The following SH3KBP1 variants were observed in gnomAD, a reference collection of about 807,000 sequenced individuals.
SH3KBP1 encodes the protein SH3 domain containing kinase binding protein 1, also known as SH3 domain-containing kinase-binding protein 1.
In SH3KBP1, 8 loss-of-function variants were observed where a neutral mutation model predicts 50.1. The observed-to-expected ratio is 0.16, with a 90% CI of 0.09 to 0.29. SH3KBP1 has a LOEUF of 0.29. Among genes scored for constraint, SH3KBP1 ranks in the 10% least tolerant of loss-of-function variants. SH3KBP1 has a pLI of 1.00. For synonymous variants in SH3KBP1, 227 were observed against 218.6 expected (o/e 1.04, Z -0.34); for missense variants, 377 against 535.2 (o/e 0.70, Z 2.92).
intron 6 of SH3KBP1, among the ~76,000 whole-genome samples, chrX:19,679,707 CA>C (rs1470488984): frequency 9.0e-6 from 1 of 111,534 alleles, no homozygotes; most frequent in Non-Finnish European, 1.9e-5. Flanking sequence ...CCAGTTTCAA[CA>C]AATACCAACT....
At chrX:19,766,287 G>GCTTGTTGGTCAT (rs2065601681) in intron 2 of SH3KBP1, among the ~76,000 whole-genome samples, 1 of 109,616 alleles carries the variant, frequency 9.1e-6, no homozygotes, top group African/African-American at 3.3e-5. Flanking sequence ...CTTTTCATCT[G>GCTTGTTGGTCAT]CTTGTTGGTC....
chrX:19,654,762 T>G lies in SH3KBP1; in HGVS notation c.727-9287A>C, dbSNP rs538846072. 3.6e-5 allele frequency among the ~76,000 whole-genome samples: 4 copies of G among 112,090 alleles called. No individual in the cohort carries two copies. In the South Asian group the frequency reaches 1.1e-3, roughly 31 times the overall value. On this transcript the variant is annotated intron_variant, in intron 6 of 17. Coordinates refer to ENST00000397821, the MANE Select transcript of SH3KBP1 (RefSeq NM_031892.3). ...TCCTTTTAGATATATTTTGAAAGTTTAAGATGGTGGGTAAGGGAGAGAGAA... is the reference window on the plus strand; with the variant it reads ...TCCTTTTAGATATATTTTGAAAGTTGAAGATGGTGGGTAAGGGAGAGAGAA...
intron 12 of SH3KBP1, among the ~76,000 whole-genome samples, chrX:19,578,121 C>A (rs1251955319): frequency 8.9e-6 from 1 of 112,029 alleles, no homozygotes; most frequent in Admixed American, 9.5e-5. Context: ...AGAGAAACCA[C>A]TCGAATTATC....
intron 2 of SH3KBP1, among the ~76,000 whole-genome samples, chrX:19,809,549 C>A (rs192734327): frequency 9.0e-6 from 1 of 111,170 alleles, no homozygotes; most frequent in East Asian, 2.8e-4. Context: ...AAAAAAAAGT[C>A]AGTATCAAGG....
chrX:19,784,776 T>C (rs2147136042), intron 2 of SH3KBP1, among the ~76,000 whole-genome samples: 1 of 110,198 alleles, frequency 9.1e-6, no homozygotes, highest in East Asian at 2.8e-4. Context: ...GACTAATTTT[T>C]ATATTTTTAG....
At chrX:19,655,010 C>G (rs780660382) in intron 6 of SH3KBP1, among the ~76,000 whole-genome samples, 10 of 111,990 alleles carry the variant, frequency 8.9e-5, no homozygotes, top group Non-Finnish European at 1.9e-4. Context: ...ACCTCCTCCC[C>G]CAATATATTT....
intron 4 of SH3KBP1, among the ~76,000 whole-genome samples, chrX:19,697,200 T>C (rs181637095): frequency 2.7e-5 from 3 of 112,434 alleles, no homozygotes; most frequent in Admixed American, 1.9e-4. Flanking sequence ...CAACTTATGA[T>C]GGGTTTATTG....
intron 6 of SH3KBP1, among the ~76,000 whole-genome samples, chrX:19,658,529 C>G (rs990298761): frequency 9.0e-6 from 1 of 111,726 alleles, no homozygotes; most frequent in Non-Finnish European, 1.9e-5. Flanking sequence ...GAGAACATTA[C>G]ATCAGGTTAC....
In SH3KBP1 at chrX:19,746,453, G is replaced by C. The variant is rs2064922042; in HGVS notation, c.163-12C>G. ...TCTTTCTTTATTTCCTGTGAGGACA[G>C]ATAAAAGGAAAACAAGATTATAGTT... On this transcript the variant is annotated splice_polypyrimidine_tract_variant and intron_variant, in intron 2 of 17. Coordinates refer to ENST00000397821, the MANE Select transcript of SH3KBP1 (RefSeq NM_031892.3). The C allele has an allele frequency of 2.5e-6, 3 of 1,189,178 alleles. No individual in the cohort carries two copies. Among genetic ancestry groups the C allele is most frequent in the Non-Finnish European group, 3.4e-6 (3 of 885,446 alleles).
intron 2 of SH3KBP1, among the ~76,000 whole-genome samples, chrX:19,768,419 A>G (rs976041965): frequency 2.9e-5 from 3 of 101,973 alleles, no homozygotes; most frequent in South Asian, 4.8e-4. Flanking sequence ...TTTGAATTCA[A>G]TACATTCCAT....
At chrX:19,705,992 C>CT (rs753080568) in intron 4 of SH3KBP1, among the ~76,000 whole-genome samples, 1 of 111,418 alleles carries the variant, frequency 9.0e-6, no homozygotes, top group African/African-American at 3.3e-5. Context: ...AAATAAAACT[C>CT]TGACACATGT....
chrX:19,747,396 T>G (rs2064946922), intron 2 of SH3KBP1, among the ~76,000 whole-genome samples: 1 of 111,295 alleles, frequency 9.0e-6, no homozygotes, highest in Non-Finnish European at 1.9e-5. Flanking sequence ...TCACAGTAAC[T>G]TGGGGAAAAG....
intron 6 of SH3KBP1, among the ~76,000 whole-genome samples, chrX:19,675,183 A>G (rs1402389739): frequency 9.0e-6 from 1 of 111,595 alleles, no homozygotes; most frequent in African/African-American, 3.3e-5. Flanking sequence ...GGACAACAAT[A>G]ATAATAACTA....
intron 3 of SH3KBP1, among the ~76,000 whole-genome samples, chrX:19,729,170 G>C (rs1418889643): frequency 2.7e-5 from 3 of 112,950 alleles, no homozygotes; most frequent in Non-Finnish European, 5.6e-5. Context: ...GTTACCCCCA[G>C]GCCCACTTGC....
At chrX:19,742,100 T>G (rs1603171782) in intron 3 of SH3KBP1, among the ~76,000 whole-genome samples, 1 of 111,097 alleles carries the variant, frequency 9.0e-6, no homozygotes, top group Admixed American at 9.5e-5. Flanking sequence ...AATTTTTTCT[T>G]TTTTTTGTTT....
At chrX:19,695,826 G>T in intron 4 of SH3KBP1, 85 bp from the exon 5 acceptor site, 1 of 930,625 alleles carries the variant, frequency 1.1e-6, no homozygotes. Flanking sequence ...TATGTATAGT[G>T]TAGCATGCAG....
chrX:19,887,424 G>A lies in SH3KBP1; in HGVS notation c.-114C>T. On this transcript the variant is annotated 5_prime_UTR_variant, in exon 1 of 18. Coordinates refer to ENST00000397821, the MANE Select transcript of SH3KBP1 (RefSeq NM_031892.3). ...GATCCAGGCGCGAGGGTCCGGACGC[G>A]GCGGCGGCTGGGCCGGCTTCTTCCT... 1 of 623,700 alleles carries A rather than the reference G, an allele frequency of 1.6e-6. No individual in the cohort carries two copies. The highest frequency in any genetic ancestry group is 2.1e-6 in the Non-Finnish European group (1 of 475,587). 51.4% of individuals were successfully genotyped at this position (623,700 alleles called of 1,213,427 possible).
intron 3 of SH3KBP1, among the ~76,000 whole-genome samples, chrX:19,744,149 G>A (rs2064850983): frequency 1.8e-5 from 2 of 112,721 alleles, no homozygotes; most frequent in Middle Eastern, 9.1e-3. Flanking sequence ...AAAGGGGAAG[G>A]AGGCCCCTTC....
chrX:19,583,170 T>TTA (rs1444509286), intron 12 of SH3KBP1, among the ~76,000 whole-genome samples: 1 of 106,610 alleles, frequency 9.4e-6, no homozygotes, highest in African/African-American at 3.4e-5. Context: ...TTATTATTTT[T>TTA]GAGACGCAGT....
Sources: allele counts gnomAD v4.1 joint callset (sites outside exome capture counted in the v4.1 genomes callset), GRCh38; gene constraint gnomAD v4.1.1; transcripts MANE v1.5; gene names NCBI Gene and HGNC (gene_info 2026-07-23, HGNC 2026-07-21).